The following SNTG2 variants were observed in gnomAD, a reference collection of about 807,000 sequenced individuals.
The protein encoded by SNTG2 is syntrophin gamma 2.
SNTG2 carries 74 observed loss-of-function variants against 70.9 expected under a neutral mutation model. That is an observed-to-expected ratio of 1.04 (90% CI 0.86 to 1.27). The LOEUF is 1.27. Among genes scored for constraint, SNTG2 ranks in the 50% most tolerant of loss-of-function variants. SNTG2 has a pLI of 0.00. For missense variants in SNTG2, 717 were observed against 690.7 expected (o/e 1.04, Z -0.43); for synonymous variants, 278 against 273.8 (o/e 1.02, Z -0.15).
At chr2:1,265,004 A>G (rs1416430891) in intron 13 of SNTG2, among the ~76,000 whole-genome samples, 1 of 152,260 alleles carries the variant, frequency 6.6e-6, no homozygotes, top group Non-Finnish European at 1.5e-5. Flanking sequence ...AAAGTTATGC[A>G]TGAATCTTCA....
intron 1 of SNTG2, among the ~76,000 whole-genome samples, chr2:978,825 A>G (rs1216823398): frequency 6.6e-6 from 1 of 152,226 alleles, no homozygotes; most frequent in Non-Finnish European, 1.5e-5. Flanking sequence ...TCACTAATCA[A>G]GTGTATGAAC....
At chr2:1,258,752 G>A (rs914331039) in intron 12 of SNTG2, among the ~76,000 whole-genome samples, 4 of 152,180 alleles carry the variant, frequency 2.6e-5, no homozygotes, top group African/African-American at 9.7e-5. Context: ...CTTGAATTGT[G>A]AAACATACAG....
chr2:1,210,363 G>A (rs1673957886), intron 9 of SNTG2: 1 of 152,136 alleles, frequency 6.6e-6, no homozygotes, highest in Admixed American at 6.6e-5. Flanking sequence ...TGGATGGATG[G>A]ATAGGTAGAT....
chr2:1,234,405 A>G (rs1676470183), intron 9 of SNTG2, among the ~76,000 whole-genome samples: 1 of 152,158 alleles, frequency 6.6e-6, no homozygotes, highest in Admixed American at 6.5e-5. Context: ...CTTAATTTTT[A>G]TTGCTTTCTT....
At chr2:1,192,938 G>A (rs1037490821) in intron 8 of SNTG2, among the ~76,000 whole-genome samples, 5 of 152,194 alleles carry the variant, frequency 3.3e-5, no homozygotes, top group African/African-American at 9.7e-5. Flanking sequence ...AGTAGTGGGT[G>A]GAAGAGAGCA....
chr2:986,876 G>A (rs767048190), intron 1 of SNTG2, among the ~76,000 whole-genome samples: 32 of 152,096 alleles, frequency 2.1e-4, no homozygotes, highest in Non-Finnish European at 3.5e-4. Context: ...CATAACTACG[G>A]GCTAAATTTT....
At chr2:996,672 A>ATTTTTTTTTTTTTTT in intron 1 of SNTG2, among the ~76,000 whole-genome samples, 1 of 31,046 alleles carries the variant, frequency 3.2e-5, no homozygotes, top group Non-Finnish European at 5.8e-5. Flanking sequence ...TGAGTTACCC[A>ATTTTTTTTTTTTTTT]GTTTTTTTTT....
At chr2:1,193,402 A>G in intron 8 of SNTG2, among the ~76,000 whole-genome samples, 1 of 152,216 alleles carries the variant, frequency 6.6e-6, no homozygotes, top group Non-Finnish European at 1.5e-5. Context: ...CCCAGGCTTC[A>G]TCACTGATAC....
At chr2:1,040,234 T>G (rs1387389433) in intron 1 of SNTG2, among the ~76,000 whole-genome samples, 1 of 152,202 alleles carries the variant, frequency 6.6e-6, no homozygotes, top group Admixed American at 6.5e-5. Flanking sequence ...CCCACGCCAG[T>G]GACACCAGAG....
chr2:977,731 C>G (rs892141236), intron 1 of SNTG2, among the ~76,000 whole-genome samples: 4 of 152,244 alleles, frequency 2.6e-5, no homozygotes, highest in Non-Finnish European at 1.5e-5. Context: ...TTAACTAGAC[C>G]TTACCGAGAT....
intron 16 of SNTG2, among the ~76,000 whole-genome samples, chr2:1,366,758 C>T (rs920965124): frequency 9.8e-5 from 15 of 152,352 alleles, no homozygotes; most frequent in African/African-American, 3.6e-4. Context: ...CACACGCACC[C>T]ACACAGCAGG....
At chr2:1,255,873 A>T (rs867731939) in intron 12 of SNTG2, among the ~76,000 whole-genome samples, 7 of 26,220 alleles carry the variant, frequency 2.7e-4, no homozygotes, top group Middle Eastern at 0.025. Flanking sequence ...AATATATATA[A>T]ATATATATAT....
chr2:1,292,591 A>G (rs1003520168), intron 14 of SNTG2, among the ~76,000 whole-genome samples: 13 of 152,294 alleles, frequency 8.5e-5, no homozygotes, highest in East Asian at 1.9e-4. Context: ...TTTTGCATCT[A>G]TTAAGATGAT....
intron 1 of SNTG2, among the ~76,000 whole-genome samples, chr2:952,161 A>G (rs1358244815): frequency 2.0e-5 from 3 of 152,232 alleles, no homozygotes; most frequent in African/African-American, 7.2e-5. Context: ...TTCTTGAAGT[A>G]CTTTGTAATA....
chr2:1,110,184 G>T (rs926477715), intron 4 of SNTG2, among the ~76,000 whole-genome samples: 13 of 152,196 alleles, frequency 8.5e-5, no homozygotes, highest in Non-Finnish European at 1.8e-4. Flanking sequence ...GCGGAGTTTT[G>T]TCTGGATCCT....
At chr2:1,293,715 T>C (rs1226074790) in intron 14 of SNTG2, among the ~76,000 whole-genome samples, 2 of 152,192 alleles carry the variant, frequency 1.3e-5, no homozygotes, top group African/African-American at 4.8e-5. Flanking sequence ...AAAAAGATAA[T>C]TGATAGAATT....
chr2:1,136,902 T>TGTAC (rs1488650422), intron 4 of SNTG2, among the ~76,000 whole-genome samples: 1 of 152,204 alleles, frequency 6.6e-6, no homozygotes. Flanking sequence ...GAGCCGTCTC[T>TGTAC]GTACGTTTGC....
intron 1 of SNTG2, among the ~76,000 whole-genome samples, chr2:1,043,302 G>A (rs1015513776): frequency 6.6e-6 from 1 of 151,744 alleles, no homozygotes; most frequent in Admixed American, 6.6e-5. Context: ...AGTTTCCTAT[G>A]GATTCTGGAT....
At chr2:1,176,344 T>C (rs1452633346) in intron 8 of SNTG2, among the ~76,000 whole-genome samples, 2 of 139,888 alleles carry the variant, frequency 1.4e-5, no homozygotes. Context: ...AAAATAACTA[T>C]TGAGTATTAG....
Sources: allele counts gnomAD v4.1 joint callset (sites outside exome capture counted in the v4.1 genomes callset), GRCh38; gene constraint gnomAD v4.1.1; transcripts MANE v1.5; gene names NCBI Gene and HGNC (gene_info 2026-07-23, HGNC 2026-07-21).